Variants in MYO5B observed in about 807,000 individuals in gnomAD.
MYO5B encodes unconventional myosin-Vb.
A neutral mutation model predicts 229.3 loss-of-function variants in MYO5B; 143 were observed. That is an observed-to-expected ratio of 0.62 (90% confidence interval 0.54 to 0.72). MYO5B has a LOEUF of 0.72. MYO5B is among the 30% of genes least tolerant of loss of function. MYO5B has a pLI of 0.00. For missense variants in MYO5B, 2,321 were observed against 2,331.0 expected (o/e 1.00, Z 0.09); for synonymous variants, 918 against 885.2 (o/e 1.04, Z -0.66).
At chr18:49,952,993 T>C (rs1023073361) in intron 14 of MYO5B, among the ~76,000 whole-genome samples, 1 of 152,072 alleles carries the variant, frequency 6.6e-6, no homozygotes, top group East Asian at 1.9e-4. Context: ...TTAGCAGGCA[T>C]CTTTCCCAGT....
At chr18:49,976,800 A>G (rs1302496141) in intron 9 of MYO5B, among the ~76,000 whole-genome samples, 3 of 152,028 alleles carry the variant, frequency 2.0e-5, no homozygotes, top group African/African-American at 7.3e-5. Context: ...TCTGAAGCCA[A>G]CCTGTCTCCC....
chr18:49,845,551 G>A (rs1001227799), intron 33 of MYO5B, among the ~76,000 whole-genome samples: 6 of 152,194 alleles, frequency 3.9e-5, no homozygotes, highest in African/African-American at 1.2e-4. Context: ...GAAGGGTTTT[G>A]CAGTTTTAAC....
intron 36 of MYO5B, 84 bp from the exon 37 acceptor site, chr18:49,837,886 G>A: frequency 6.5e-7 from 1 of 1,531,324 alleles, no homozygotes; most frequent in Non-Finnish European, 9.0e-7. Context: ...TAGTGCTCCG[G>A]GCTTTAGCAA....
At chr18:49,864,052 C>G in intron 28 of MYO5B, 89 bp downstream of exon 28, 1 of 1,572,262 alleles carries the variant, frequency 6.4e-7, no homozygotes, top group Non-Finnish European at 8.6e-7. Context: ...AGGTTTTAGA[C>G]CCTCGTGGGT....
intron 9 of MYO5B, among the ~76,000 whole-genome samples, chr18:49,974,940 T>C (rs751573658): frequency 5.3e-5 from 8 of 152,188 alleles, no homozygotes; most frequent in Non-Finnish European, 7.4e-5. Flanking sequence ...CCATCTTTCT[T>C]GTCCCCTCCC....
intron 18 of MYO5B, among the ~76,000 whole-genome samples, chr18:49,910,089 C>T (rs2024940750): frequency 6.6e-6 from 1 of 152,192 alleles, no homozygotes; most frequent in Non-Finnish European, 1.5e-5. Context: ...AGAAGCTGCA[C>T]TGAAGCCGAG....
intron 1 of MYO5B, among the ~76,000 whole-genome samples, chr18:50,122,592 G>A (rs1354302663): frequency 9.1e-6 from 1 of 109,768 alleles, no homozygotes; most frequent in Non-Finnish European, 1.9e-5. Flanking sequence ...GAGGAAGAGA[G>A]GGGGAGAGAG....
intron 19 of MYO5B, among the ~76,000 whole-genome samples, chr18:49,905,532 T>C (rs540661005): frequency 1.3e-4 from 20 of 152,192 alleles, no homozygotes; most frequent in Non-Finnish European, 2.1e-4. Context: ...TTGGAAATCA[T>C]TCAGCAAAGC....
chr18:50,153,683 C>T (rs2032635073), intron 1 of MYO5B, among the ~76,000 whole-genome samples: 1 of 152,200 alleles, frequency 6.6e-6, no homozygotes, highest in African/African-American at 2.4e-5. Context: ...CTCCTGACCT[C>T]TAGTGATCTG....
intron 7 of MYO5B, among the ~76,000 whole-genome samples, chr18:49,989,220 G>T (rs752785917): frequency 6.6e-6 from 1 of 152,180 alleles, no homozygotes; most frequent in Non-Finnish European, 1.5e-5. Context: ...AAGATACAGG[G>T]ATTCATAAGC....
At chr18:50,067,423 C>T (rs2030847960) in intron 1 of MYO5B, among the ~76,000 whole-genome samples, 1 of 152,182 alleles carries the variant, frequency 6.6e-6, no homozygotes, top group Non-Finnish European at 1.5e-5. Context: ...GTGCTGCCCT[C>T]AGAAGCTGTT....
At chr18:50,177,794 G>C (rs997519604) in intron 1 of MYO5B, among the ~76,000 whole-genome samples, 3 of 152,240 alleles carry the variant, frequency 2.0e-5, no homozygotes, top group African/African-American at 7.2e-5. Context: ...CATGTTGAGA[G>C]ACTGACATGC....
chr18:49,852,341 G>GCT (rs1298456732), intron 31 of MYO5B, among the ~76,000 whole-genome samples: 1 of 152,222 alleles, frequency 6.6e-6, no homozygotes, highest in Admixed American at 6.5e-5. Flanking sequence ...GGCCAGGTAG[G>GCT]TTTCTTTAAC....
rs192969919 is a variant in MYO5B at position 49,903,932 on chromosome 18, C to T, written c.2571+740G>A. Among the ~76,000 whole-genome samples the T allele has an allele frequency of 3.3e-5, 5 of 152,326 alleles. No homozygotes were observed. In the East Asian group the frequency reaches 5.8e-4, roughly 18 times the overall value. On this transcript the variant is annotated intron_variant, in intron 20 of 39. Coordinates refer to ENST00000285039, the MANE Select transcript of MYO5B (RefSeq NM_001080467.3). ...CATGTTGGGCTTCAAGCTCCTGATC[C>T]GTTAAGTGGAGGAGTTAGACCTGAT...
Position 49,847,289 on chromosome 18 carries a change from G to A in MYO5B, c.4316C>T (p.Ala1439Val). ...IYMKKAQDLE[A>V]AQALAQSERK... ...CTCACTCTGGGCCAATGCCTGGGCA[G>A]CTGAGCAGGAAAGAAAACAGGAAGC... is the stretch of plus-strand genomic sequence containing the variant. Residue 1439 changes from alanine to valine, a missense_variant and splice_region_variant, in exon 33 of 40, where the codon GCT (alanine) becomes GTT (valine). Ala to Val is a moderately conservative substitution (Grantham distance 64, BLOSUM62 0). Transcript: ENST00000285039. 6.2e-7 allele frequency: 1 copy of A among 1,613,196 alleles called. No individual in the cohort carries two copies. The highest frequency in any genetic ancestry group is 1.1e-5 in the South Asian group (1 of 90,998).
chr18:49,921,110 C>T (rs1415091568), intron 17 of MYO5B, among the ~76,000 whole-genome samples: 1 of 152,130 alleles, frequency 6.6e-6, no homozygotes, highest in East Asian at 1.9e-4. Context: ...TCTAAAGCTT[C>T]CCTTTAGTTC....
In MYO5B at chr18:49,887,966, A is replaced by G. The variant is rs368771626; in HGVS notation, c.3045+6975T>C. Among the ~76,000 whole-genome samples the G allele has an allele frequency of 1.2e-4, 19 of 152,270 alleles. No homozygotes were observed. The South Asian group carries it at 3.9e-3, about 32-fold the overall frequency. On this transcript the variant is annotated intron_variant, in intron 22 of 39. Transcript: ENST00000285039. ...CTCCCAAAGTGCTGGGATTACAGAC[A>G]TGAGCCACCACACCCAGCCCAGGTG...
intron 34 of MYO5B, among the ~76,000 whole-genome samples, chr18:49,841,884 T>G (rs948841301): frequency 2.0e-5 from 3 of 152,174 alleles, no homozygotes; most frequent in African/African-American, 7.2e-5. Flanking sequence ...CAAAATAGTT[T>G]GGTGTCCCAT....
chr18:50,062,525 G>A (rs1300229510), intron 1 of MYO5B, among the ~76,000 whole-genome samples: 1 of 152,184 alleles, frequency 6.6e-6, no homozygotes, highest in Admixed American at 6.5e-5. Flanking sequence ...TGTGTTGTAG[G>A]AACTATGAAA....
Sources: gnomAD v4.1 joint callset for allele counts (sites outside exome capture counted in the v4.1 genomes callset) on GRCh38, gnomAD v4.1.1 for gene constraint, MANE v1.5 for transcripts, NCBI Gene and HGNC (gene_info 2026-07-23, HGNC 2026-07-21) for gene names.